Variants in FBXO11 observed in about 807,000 individuals in gnomAD.
FBXO11 encodes F-box only protein 11.
Under a neutral mutation model 117.0 loss-of-function variants are expected in FBXO11, and 13 were observed. The ratio of observed to expected loss-of-function variants is 0.11; its 90% confidence interval spans 0.07 to 0.18. FBXO11 has a LOEUF of 0.18. Among genes scored for constraint, FBXO11 ranks in the 10% least tolerant of loss-of-function variants. FBXO11 has a pLI of 1.00. For synonymous variants in FBXO11, 490 were observed against 380.5 expected (o/e 1.29, Z -3.35); for missense variants, 767 against 1,164.4 (o/e 0.66, Z 4.97).
chr2:47,807,889 C>G lies in FBXO11; in HGVS notation c.*229G>C. The G allele has an allele frequency of 2.3e-6, 1 of 429,798 alleles. No individual in the cohort carries two copies. Among genetic ancestry groups the G allele is most frequent in the East Asian group, 3.7e-5 (1 of 26,820 alleles). The allele number at this position is 429,798 out of a possible 1,614,324, so 26.6% of individuals were successfully genotyped here. On this transcript the variant is annotated 3_prime_UTR_variant, in exon 23 of 23. Coordinates refer to ENST00000403359, the MANE Select transcript of FBXO11 (RefSeq NM_001190274.2). ...CAGCTTATTTTCTTCACTTCTGTCC[C>G]TTCAAGTCTTTACACAGTAATGCTA...
chr2:47,851,816 G>C (rs1486704770), intron 1 of FBXO11, among the ~76,000 whole-genome samples: 1 of 152,166 alleles, frequency 6.6e-6, no homozygotes, highest in Non-Finnish European at 1.5e-5. Flanking sequence ...CAAGAGTGAA[G>C]TATGAAAAGC....
chr2:47,849,323 G>C (rs1463984438), intron 1 of FBXO11, among the ~76,000 whole-genome samples: 2 of 152,052 alleles, frequency 1.3e-5, no homozygotes, highest in African/African-American at 4.8e-5. Context: ...TGATTTTATA[G>C]TTACATTTTA....
intron 1 of FBXO11, chr2:47,883,900 C>G (rs1332891757): frequency 6.0e-6 from 1 of 167,698 alleles, no homozygotes; most frequent in South Asian, 1.4e-4. Context: ...CTTCAACAAA[C>G]CAGAAGACAA....
At chr2:47,881,047 G>A (rs56682209) in intron 1 of FBXO11, among the ~76,000 whole-genome samples, 8,162 of 152,278 alleles carry the variant, frequency 0.054, 231 homozygotes, top group Non-Finnish European at 0.068. Context: ...AAAGTCAGGA[G>A]TTCAAGTCAA....
In FBXO11 at chr2:47,839,732, T is replaced by C. The variant is rs763496000; in HGVS notation, c.270A>G (p.Ser90=). The part of the protein sequence containing the change: ...DVPADMVAEE[S]GPGAQNSPYQ... Reference sequence around the variant, plus strand: ...ATGGACTATTTTGTGCACCAGGACCTGATTCTTCTGCAACCATATCTGCAG... The same window carrying C: ...ATGGACTATTTTGTGCACCAGGACCCGATTCTTCTGCAACCATATCTGCAG... Residue 90 remains serine, a synonymous_variant, in exon 2 of 23, where the codon TCA becomes TCG. Coordinates refer to ENST00000403359, the MANE Select transcript of FBXO11 (RefSeq NM_001190274.2). The C allele has an allele frequency of 6.2e-7, 1 of 1,613,982 alleles. No individual in the cohort carries two copies. Among genetic ancestry groups the C allele is most frequent in the South Asian group, 1.1e-5 (1 of 91,026 alleles).
At chr2:47,839,118 T>C (rs1553342038) in intron 3 of FBXO11, 115 bp from the exon 4 acceptor site, 15 of 1,067,218 alleles carry the variant, frequency 1.4e-5, no homozygotes, top group Non-Finnish European at 1.9e-5. Flanking sequence ...TAATGGTCAT[T>C]TTATAAGCAT....
At chr2:47,886,987 T>C (rs1453584546) in intron 1 of FBXO11, among the ~76,000 whole-genome samples, 1 of 152,042 alleles carries the variant, frequency 6.6e-6, no homozygotes, top group African/African-American at 2.4e-5. Context: ...CACTCTAGTC[T>C]GGGTAAAAGA....
intron 13 of FBXO11, among the ~76,000 whole-genome samples, chr2:47,821,160 T>C (rs777996684): frequency 2.6e-5 from 4 of 152,216 alleles, no homozygotes; most frequent in Non-Finnish European, 4.4e-5. Context: ...TGTGAATACA[T>C]ACCACAGAAT....
At chr2:47,860,247 C>T (rs1210236134) in intron 1 of FBXO11, among the ~76,000 whole-genome samples, 1 of 152,120 alleles carries the variant, frequency 6.6e-6, no homozygotes, top group Non-Finnish European at 1.5e-5. Flanking sequence ...TATCACTGTG[C>T]CCTGACTAGC....
intron 11 of FBXO11, among the ~76,000 whole-genome samples, chr2:47,826,115 G>A (rs1042331083): frequency 6.6e-6 from 1 of 152,102 alleles, no homozygotes; most frequent in African/African-American, 2.4e-5. Flanking sequence ...CTTGAGTGCA[G>A]TGGCACGATC....
chr2:47,854,197 T>C (rs1463588901), intron 1 of FBXO11, among the ~76,000 whole-genome samples: 1 of 151,936 alleles, frequency 6.6e-6, no homozygotes. Flanking sequence ...TTTAAGAATA[T>C]TCTTTTTTTC....
At chr2:47,878,699 C>G (rs1676200864) in intron 1 of FBXO11, among the ~76,000 whole-genome samples, 1 of 150,970 alleles carries the variant, frequency 6.6e-6, no homozygotes, top group Non-Finnish European at 1.5e-5. Flanking sequence ...AGGTCTCAGC[C>G]AGGTGCGGTG....
chr2:47,885,706 G>A (rs562156791), intron 1 of FBXO11, among the ~76,000 whole-genome samples: 1 of 152,182 alleles, frequency 6.6e-6, no homozygotes, highest in Non-Finnish European at 1.5e-5. Context: ...GCCTTGAAGA[G>A]AGTGCCTAGT....
At chr2:47,821,264 G>A (rs1476493395) in intron 13 of FBXO11, among the ~76,000 whole-genome samples, 1 of 152,100 alleles carries the variant, frequency 6.6e-6, no homozygotes, top group Non-Finnish European at 1.5e-5. Flanking sequence ...GCTCACTTGA[G>A]GCCAGGAGTT....
At chr2:47,833,852 A>C (rs1037733967) in intron 7 of FBXO11, among the ~76,000 whole-genome samples, 23 of 151,528 alleles carry the variant, frequency 1.5e-4, no homozygotes, top group Admixed American at 2.0e-4. Context: ...ATTTTTAGTA[A>C]AGATGGGGTT....
At position 47,884,992 on chromosome 2, in the gene FBXO11, A is replaced by G. The variant is rs183520899; in HGVS notation, c.232+20497T>C. ...TGAGGAAATACATTCTGGTAAGAATATAGCAACTTCATTACCAAACAGTAT... is the reference window on the plus strand; with the variant it reads ...TGAGGAAATACATTCTGGTAAGAATGTAGCAACTTCATTACCAAACAGTAT... On this transcript the variant is annotated intron_variant, in intron 1 of 22. Coordinates refer to ENST00000403359, the MANE Select transcript of FBXO11 (RefSeq NM_001190274.2). Among the ~76,000 whole-genome samples, 6 of 152,354 alleles carry G rather than the reference A, an allele frequency of 3.9e-5. No homozygotes were observed. In the East Asian group the frequency reaches 9.6e-4, roughly 24 times the overall value.
intron 1 of FBXO11, among the ~76,000 whole-genome samples, chr2:47,849,034 C>T (rs781320024): frequency 9.9e-5 from 15 of 152,150 alleles, no homozygotes; most frequent in Non-Finnish European, 1.5e-4. Flanking sequence ...GAAACTTAGG[C>T]AAATCTGTGC....
intron 1 of FBXO11, among the ~76,000 whole-genome samples, chr2:47,901,734 C>T (rs1377421212): frequency 1.3e-5 from 2 of 152,110 alleles, no homozygotes; most frequent in Non-Finnish European, 2.9e-5. Flanking sequence ...CTTCTGTAGA[C>T]TTGTAAGCTT....
At chr2:47,866,616 G>A (rs1049471255) in intron 1 of FBXO11, among the ~76,000 whole-genome samples, 7 of 151,924 alleles carry the variant, frequency 4.6e-5, no homozygotes, top group East Asian at 3.9e-4. Flanking sequence ...TAGGATTACA[G>A]GCGCGCACCA....
Sources: allele counts gnomAD v4.1 joint callset (sites outside exome capture counted in the v4.1 genomes callset), GRCh38; gene constraint gnomAD v4.1.1; transcripts MANE v1.5; gene names NCBI Gene and HGNC (gene_info 2026-07-23, HGNC 2026-07-21).